Variants in CADM2 observed in about 807,000 individuals in gnomAD.
CADM2 encodes the protein cell adhesion molecule 2, also known as immunoglobulin superfamily member 4D.
CADM2 carries 12 observed loss-of-function variants against 49.8 expected under a neutral mutation model. That is an observed-to-expected ratio of 0.24 (90% CI 0.15 to 0.39). The LOEUF is 0.39. Among genes scored for constraint, CADM2 ranks in the 10% least tolerant of loss-of-function variants. The pLI is 1.00. For missense variants in CADM2, 378 were observed against 492.3 expected (o/e 0.77, Z 2.20); for synonymous variants, 214 against 175.4 (o/e 1.22, Z -1.74).
intron 1 of CADM2, among the ~76,000 whole-genome samples, chr3:85,598,857 A>G (rs62263911): frequency 0.041 from 1,579 of 38,962 alleles, 21 homozygotes; most frequent in Middle Eastern, 0.05. Context: ...GTGTGTGTGT[A>G]TATATATATA....
chr3:85,628,716 G>T (rs1037245095), intron 1 of CADM2, among the ~76,000 whole-genome samples: 2 of 149,316 alleles, frequency 1.3e-5, no homozygotes, highest in Admixed American at 1.3e-4. Flanking sequence ...AGATTTACCT[G>T]TATAAATATT....
intron 8 of CADM2, among the ~76,000 whole-genome samples, chr3:86,037,856 C>T (rs80110206): frequency 0.034 from 5,211 of 152,036 alleles, 175 homozygotes; most frequent in African/African-American, 0.084. Flanking sequence ...CTCTAAGTTC[C>T]AGAATACATG....
rs562047260 is a variant in CADM2, at chr3:85,172,915, A to G, written c.61+213247A>G. 4.9e-3 allele frequency among the ~76,000 whole-genome samples: 699 copies of G among 144,056 alleles called. 4 individuals carry two copies. Among genetic ancestry groups the G allele is most frequent in the Middle Eastern group, 0.011 (3 of 278 alleles). The allele number at this position is 144,056 out of a possible 152,430, so 94.5% of individuals were successfully genotyped here. On this transcript the variant is annotated intron_variant, in intron 1 of 9. Transcript: ENST00000383699. ...TGCAATTATATATTATATATAATATATGTAATAATATATAATATATTATAT... is the reference window on the plus strand; with the variant it reads ...TGCAATTATATATTATATATAATATGTGTAATAATATATAATATATTATAT...
At chr3:86,015,317 G>T (rs954327269) in intron 8 of CADM2, among the ~76,000 whole-genome samples, 4 of 152,152 alleles carry the variant, frequency 2.6e-5, no homozygotes, top group African/African-American at 9.7e-5. Context: ...TTCCAGAAGA[G>T]AACATTGAAA....
At chr3:85,681,466 G>A (rs1278775830) in intron 1 of CADM2, among the ~76,000 whole-genome samples, 1 of 152,084 alleles carries the variant, frequency 6.6e-6, no homozygotes, top group Non-Finnish European at 1.5e-5. Context: ...ATATTGAATT[G>A]CAGTGCAGTT....
intron 5 of CADM2, among the ~76,000 whole-genome samples, chr3:85,907,157 T>G (rs1432255194): frequency 1.3e-5 from 2 of 152,216 alleles, no homozygotes; most frequent in African/African-American, 4.8e-5. Flanking sequence ...CTGTTCTCTA[T>G]GAGATGAGGT....
intron 5 of CADM2, among the ~76,000 whole-genome samples, chr3:85,907,275 T>G (rs373480123): frequency 5.3e-4 from 81 of 152,290 alleles, no homozygotes; most frequent in African/African-American, 1.9e-3. Flanking sequence ...AACTATCATG[T>G]TATCCATCAA....
chr3:86,003,797 G>GGAAA (rs963319890), intron 8 of CADM2, among the ~76,000 whole-genome samples: 6 of 152,118 alleles, frequency 3.9e-5, no homozygotes, highest in African/African-American at 1.4e-4. Context: ...GTAAGTGAGT[G>GGAAA]GAAACTGTGC....
chr3:85,637,603 C>A (rs1290210116), intron 1 of CADM2, among the ~76,000 whole-genome samples: 1 of 19,426 alleles, frequency 5.1e-5, no homozygotes, highest in African/African-American at 1.8e-4. Flanking sequence ...AGCGAGACTC[C>A]GTCTCAAAAA....
intron 1 of CADM2, among the ~76,000 whole-genome samples, chr3:85,570,473 A>G (rs1018107658): frequency 3.3e-5 from 5 of 152,176 alleles, no homozygotes; most frequent in South Asian, 4.1e-4. Flanking sequence ...AATTGTAGAT[A>G]TATATTTACT....
chr3:85,365,871 G>A (rs1016503442), intron 1 of CADM2, among the ~76,000 whole-genome samples: 1 of 152,030 alleles, frequency 6.6e-6, no homozygotes, highest in Admixed American at 6.6e-5. Flanking sequence ...CCCTAATTGG[G>A]CAAGTTTTAT....
At chr3:85,068,350 G>T (rs2036596528) in intron 1 of CADM2, among the ~76,000 whole-genome samples, 1 of 152,122 alleles carries the variant, frequency 6.6e-6, no homozygotes, top group Admixed American at 6.6e-5. Flanking sequence ...AAGGAACTGG[G>T]AGAGGACAAC....
chr3:85,370,430 A>G (rs1365137978), intron 1 of CADM2, among the ~76,000 whole-genome samples: 1 of 151,472 alleles, frequency 6.6e-6, no homozygotes, highest in Non-Finnish European at 1.5e-5. Flanking sequence ...TCAAAATAAA[A>G]TAAAAGAAAA....
chr3:85,717,531 G>T (rs2067337983), intron 1 of CADM2, among the ~76,000 whole-genome samples: 1 of 152,128 alleles, frequency 6.6e-6, no homozygotes, highest in Non-Finnish European at 1.5e-5. Flanking sequence ...ATACTATGTT[G>T]AATAGGAGTT....
At chr3:85,491,544 A>G (rs949606989) in intron 1 of CADM2, among the ~76,000 whole-genome samples, 3 of 152,170 alleles carry the variant, frequency 2.0e-5, no homozygotes, top group African/African-American at 7.2e-5. Flanking sequence ...ACATTTCAAA[A>G]CATTTTGAAA....
intron 1 of CADM2, among the ~76,000 whole-genome samples, chr3:85,373,288 G>T (rs776889780): frequency 6.6e-6 from 1 of 152,128 alleles, no homozygotes. Context: ...CAAGGAAATC[G>T]GAAATTTAGT....
At chr3:85,504,644 G>T (rs1178252780) in intron 1 of CADM2, among the ~76,000 whole-genome samples, 1 of 152,234 alleles carries the variant, frequency 6.6e-6, no homozygotes, top group Non-Finnish European at 1.5e-5. Flanking sequence ...GCTGCAGGTG[G>T]AGCTGCCTGC....
intron 1 of CADM2, among the ~76,000 whole-genome samples, chr3:85,507,349 G>A (rs1474133707): frequency 6.6e-6 from 1 of 151,780 alleles, no homozygotes; most frequent in Non-Finnish European, 1.5e-5. Flanking sequence ...CACCATGCCT[G>A]GCTAGTTTTT....
chr3:86,052,151 A>G (rs1737418816), intron 8 of CADM2, among the ~76,000 whole-genome samples: 1 of 152,202 alleles, frequency 6.6e-6, no homozygotes, highest in African/African-American at 2.4e-5. Flanking sequence ...AAGAATGATT[A>G]TAACTACATG....
Sources: allele counts gnomAD v4.1 joint callset (sites outside exome capture counted in the v4.1 genomes callset), GRCh38; gene constraint gnomAD v4.1.1; transcripts MANE v1.5; gene names NCBI Gene and HGNC (gene_info 2026-07-23, HGNC 2026-07-21).